The following SOX5 variants were observed in gnomAD, a reference collection of about 807,000 sequenced individuals.
SOX5 encodes the protein transcription factor SOX-5.
SOX5 carries 9 observed loss-of-function variants against 92.0 expected under a neutral mutation model. That is an observed-to-expected ratio of 0.10 (90% CI 0.06 to 0.17). The LOEUF (loss-of-function observed/expected upper bound fraction) is 0.17. SOX5 is among the 10% of genes least tolerant of loss of function. SOX5 has a pLI of 1.00. For synonymous variants in SOX5, 344 were observed against 336.3 expected, an observed-to-expected ratio of 1.02 and a Z score of -0.25; for missense variants, 642 against 944.5, an observed-to-expected ratio of 0.68 and a Z score of 4.20.
At chr12:24,365,693 T>TTTTTTTTTTTTTTTTTTTTGAG in intron 2 of SOX5, among the ~76,000 whole-genome samples, 1 of 150,918 alleles carries the variant, frequency 6.6e-6, no homozygotes, top group Non-Finnish European at 1.5e-5. Context: ...AATACTTTTT[T>TTTTTTTTTTTTTTTTTTTTGAG]AACTGAAGTT....
At chr12:24,214,115 A>G (rs1958966847) in intron 3 of SOX5, among the ~76,000 whole-genome samples, 1 of 152,168 alleles carries the variant, frequency 6.6e-6, no homozygotes, top group Non-Finnish European at 1.5e-5. Context: ...TATAGAATAC[A>G]TAAGCACTTA....
intron 1 of SOX5, among the ~76,000 whole-genome samples, chr12:24,527,537 C>A (rs144535255): frequency 3.3e-5 from 5 of 152,314 alleles, no homozygotes; most frequent in African/African-American, 1.2e-4. Flanking sequence ...GACAACAATT[C>A]GGTTTTCAAA....
intron 1 of SOX5, among the ~76,000 whole-genome samples, chr12:23,911,881 T>C (rs905083867): frequency 4.6e-5 from 7 of 152,104 alleles, no homozygotes; most frequent in Non-Finnish European, 8.8e-5. Context: ...TTCGTGGCCT[T>C]GGGTTAGGCA....
chr12:24,334,886 A>G lies in SOX5; in HGVS notation c.-174+33677T>C, dbSNP rs537637294. Reference sequence around the variant, plus strand: ...AATGATAAATGGAATATTTTACACCATATTTACAGTTACAATCCCAATTAT... The same window carrying G: ...AATGATAAATGGAATATTTTACACCGTATTTACAGTTACAATCCCAATTAT... On this transcript the variant is annotated intron_variant, in intron 2 of 4. Transcript: ENST00000446891. Among the ~76,000 whole-genome samples the G allele has an allele frequency of 5.8e-4, 86 of 147,848 alleles. 1 individual carries two copies. Among genetic ancestry groups the G allele is most frequent in the African/African-American group, 1.9e-3 (77 of 40,058 alleles).
In SOX5 at chr12:24,393,037, G is replaced by A. The variant is rs1054244356; in HGVS notation, c.-250-24398C>T. Among the ~76,000 whole-genome samples the A allele has an allele frequency of 2.6e-5, 4 of 151,930 alleles. No individual in the cohort carries two copies. Among genetic ancestry groups the A allele is most frequent in the African/African-American group, 9.7e-5 (4 of 41,346 alleles). Reference sequence around the variant, plus strand: ...ATCAAAGAACAGCAGCATATGAGAGGCTTCAATCTTGAGTGTGTGGGGGCA... The same window carrying A: ...ATCAAAGAACAGCAGCATATGAGAGACTTCAATCTTGAGTGTGTGGGGGCA... On this transcript the variant is annotated intron_variant, in intron 1 of 4. Transcript: ENST00000446891. This position sits in a 1 kb window ranked among gnomAD's most constrained non-coding sequence, Gnocchi z 5.0.
At chr12:23,918,158 G>C (rs2097437449) in intron 1 of SOX5, among the ~76,000 whole-genome samples, 1 of 152,124 alleles carries the variant, frequency 6.6e-6, no homozygotes, top group Non-Finnish European at 1.5e-5. Flanking sequence ...ACAGATACAT[G>C]AGAATATTAT....
chr12:24,284,556 A>C (rs1945616367), intron 2 of SOX5, among the ~76,000 whole-genome samples: 1 of 152,266 alleles, frequency 6.6e-6, no homozygotes, highest in Admixed American at 6.5e-5. Flanking sequence ...ACCACATCCA[A>C]ATTTCAGCAT....
chr12:24,186,316 C>T (rs552767099), intron 4 of SOX5, among the ~76,000 whole-genome samples: 1 of 152,076 alleles, frequency 6.6e-6, no homozygotes, highest in Non-Finnish European at 1.5e-5. Flanking sequence ...GAAGAACCTA[C>T]ACGAATGCTG....
chr12:24,519,081 G>A (rs1050733219), intron 1 of SOX5, among the ~76,000 whole-genome samples: 2 of 152,080 alleles, frequency 1.3e-5, no homozygotes, highest in Non-Finnish European at 2.9e-5. Context: ...GCAGAGCTGA[G>A]AAATTGAGAA....
At position 24,200,562 on chromosome 12, in the gene SOX5, T is replaced by G. The variant is rs563493478; in HGVS notation, c.-2+12781A>C. On this transcript the variant is annotated intron_variant, in intron 4 of 4. Coordinates refer to the SOX5 transcript ENST00000446891. ...CTCATATATAGGGACAACATTTGGGTGTCTGTGGATACTGTAACCTTTTTG... is the reference window on the plus strand; with the variant it reads ...CTCATATATAGGGACAACATTTGGGGGTCTGTGGATACTGTAACCTTTTTG... Among the ~76,000 whole-genome samples the G allele has an allele frequency of 7.9e-5, 12 of 152,200 alleles. No individual in the cohort carries two copies. The East Asian group carries it at 2.3e-3, about 29-fold the overall frequency.
intron 4 of SOX5, among the ~76,000 whole-genome samples, chr12:23,972,357 G>GTTTGT (rs935409135): frequency 1.3e-5 from 2 of 151,994 alleles, no homozygotes; most frequent in Middle Eastern, 3.4e-3. Flanking sequence ...TTTTTTGTTT[G>GTTTGT]TTTGTTTTGT....
chr12:23,884,065 C>T (rs1002647881), intron 2 of SOX5, among the ~76,000 whole-genome samples: 18 of 152,064 alleles, frequency 1.2e-4, no homozygotes, highest in African/African-American at 3.9e-4. Context: ...TCCTAGATCA[C>T]AGAACTTAAA....
intron 10 of SOX5, among the ~76,000 whole-genome samples, chr12:23,574,897 T>C (rs1293436814): frequency 6.6e-6 from 1 of 152,210 alleles, no homozygotes; most frequent in Non-Finnish European, 1.5e-5. Flanking sequence ...TGTAGAACTT[T>C]ATCTGTGCTC....
intron 2 of SOX5, among the ~76,000 whole-genome samples, chr12:24,292,005 AC>A (rs1380877059): frequency 1.3e-5 from 2 of 152,240 alleles, no homozygotes; most frequent in Non-Finnish European, 1.5e-5. Flanking sequence ...AATTCACCCA[AC>A]AAACTCTTAC....
chr12:24,025,653 A>G (rs972810728), intron 4 of SOX5, among the ~76,000 whole-genome samples: 1 of 152,076 alleles, frequency 6.6e-6, no homozygotes, highest in African/African-American at 2.4e-5. Flanking sequence ...CATTTACCTC[A>G]AATTCCAAAA....
At position 23,588,746 on chromosome 12, in the gene SOX5, CACACAT is replaced by C. The variant is rs1386276850; in HGVS notation, c.1165-12914_1165-12909del. 6.1e-5 allele frequency among the ~76,000 whole-genome samples: 7 copies of C among 115,466 alleles called. No homozygotes were observed. In the East Asian group the frequency reaches 1.4e-3, roughly 24 times the overall value. The allele number at this position is 115,466 out of a possible 152,430, so 75.8% of individuals were successfully genotyped here. ...GCACACACACACACACACACACACA[CACACAT>C]ATGTACACATATAAATATATGGTCA... On this transcript the variant is annotated intron_variant, in intron 9 of 14. Coordinates refer to ENST00000451604, the MANE Select transcript of SOX5 (RefSeq NM_006940.6).
intron 4 of SOX5, among the ~76,000 whole-genome samples, chr12:24,084,954 A>G (rs1007470791): frequency 6.6e-6 from 1 of 152,118 alleles, no homozygotes; most frequent in Non-Finnish European, 1.5e-5. Context: ...TCACTTGGCT[A>G]TCTGCCTTTT....
intron 3 of SOX5, chr12:24,227,808 C>T (rs1028585460): frequency 4.6e-5 from 7 of 152,090 alleles, no homozygotes; most frequent in African/African-American, 1.7e-4. Flanking sequence ...ATCTCAAATC[C>T]TTTTTAAGAA....
In SOX5 at chr12:23,651,801, C is replaced by T. The variant is rs2081599830; in HGVS notation, c.932-10904G>A. Among the ~76,000 whole-genome samples, 6 of 151,130 alleles carry T rather than the reference C, an allele frequency of 4.0e-5. No homozygotes were observed. In the South Asian group the frequency reaches 1.3e-3, roughly 32 times the overall value. On this transcript the variant is annotated intron_variant, in intron 7 of 14. Transcript: ENST00000451604. ...TAGATGCTCAATTAAAAAAATGAGC[C>T]CCAAAGTAGGAGGTACAACAGGATC...
Sources: gnomAD v4.1 joint callset for allele counts (sites outside exome capture counted in the v4.1 genomes callset) on GRCh38, gnomAD v4.1.1 for gene constraint, Gnocchi (gnomAD v3.1) non-coding constraint, MANE v1.5 for transcripts, NCBI Gene and HGNC (gene_info 2026-07-23, HGNC 2026-07-21) for gene names.